The following C1QTNF3 variants were observed in gnomAD, a reference collection of about 807,000 sequenced individuals.
The protein encoded by C1QTNF3 is C1q and TNF related 3.
A neutral mutation model predicts 32.6 loss-of-function variants in C1QTNF3; 26 were observed. That is an observed-to-expected ratio of 0.80 (90% CI 0.58 to 1.11). The LOEUF (loss-of-function observed/expected upper bound fraction) is 1.11, where lower values mean the gene tolerates loss of function less well. Among genes scored for constraint, C1QTNF3 ranks in the 50% least tolerant of loss-of-function variants. The pLI, the probability that C1QTNF3 is intolerant of heterozygous loss-of-function variation, is 0.00. For missense variants in C1QTNF3, 362 were observed against 398.2 expected, an observed-to-expected ratio of 0.91 and a Z score of 0.77; for synonymous variants, 155 against 146.0, an observed-to-expected ratio of 1.06 and a Z score of -0.44.
the C1QTNF3 span, among the ~76,000 whole-genome samples, chr5:34,084,150 T>C: frequency 2.0e-5 from 3 of 151,768 alleles, 1 homozygote; most frequent in African/African-American, 7.3e-5. Context: ...ATTCTAGGCA[T>C]CTGTAAGTGC....
chr5:34,231,864 A>G, the C1QTNF3 span, among the ~76,000 whole-genome samples: 26 of 144,896 alleles, frequency 1.8e-4, 1 homozygote, highest in African/African-American at 6.7e-4. Flanking sequence ...GGCACTCCCT[A>G]CTGGAGCTTT....
the C1QTNF3 span, among the ~76,000 whole-genome samples, chr5:34,208,105 T>C: frequency 3.3e-5 from 5 of 152,170 alleles, 1 homozygote; most frequent in Non-Finnish European, 1.5e-5. Flanking sequence ...AAAGTGCTTT[T>C]AAGCTCCTTC....
the C1QTNF3 span, among the ~76,000 whole-genome samples, chr5:34,143,929 C>A: frequency 1.3e-5 from 2 of 152,084 alleles, no homozygotes; most frequent in African/African-American, 4.8e-5. Context: ...TCTCACATAT[C>A]AATACTAACC....
the C1QTNF3 span, among the ~76,000 whole-genome samples, chr5:34,062,171 C>T: frequency 6.6e-6 from 1 of 152,206 alleles, no homozygotes; most frequent in Non-Finnish European, 1.5e-5. Flanking sequence ...TTCACCTTTG[C>T]TCCAGTTCAG....
the C1QTNF3 span, among the ~76,000 whole-genome samples, chr5:34,116,804 C>T: frequency 2.3e-3 from 344 of 152,130 alleles, 1 homozygote; most frequent in African/African-American, 7.9e-3. Context: ...CCATGTTGGC[C>T]GGGCTGGTTT....
At chr5:34,056,603 C>G in the C1QTNF3 span, among the ~76,000 whole-genome samples, 1 of 151,330 alleles carries the variant, frequency 6.6e-6, no homozygotes, top group South Asian at 2.1e-4. Context: ...GCCTTGACCT[C>G]CCGGGCTCAA....
the C1QTNF3 span, among the ~76,000 whole-genome samples, chr5:34,098,428 C>T: frequency 2.0e-5 from 3 of 152,114 alleles, no homozygotes; most frequent in Admixed American, 2.0e-4. Flanking sequence ...TAATTTTCAT[C>T]GTTGACACTA....
chr5:34,068,074 A>G, the C1QTNF3 span, among the ~76,000 whole-genome samples: 1 of 152,112 alleles, frequency 6.6e-6, no homozygotes, highest in Non-Finnish European at 1.5e-5. Flanking sequence ...TATTAACAAG[A>G]CGATTTAGTT....
the C1QTNF3 span, among the ~76,000 whole-genome samples, chr5:34,220,279 A>C: frequency 2.0e-5 from 3 of 152,100 alleles, no homozygotes; most frequent in Admixed American, 6.6e-5. Flanking sequence ...AATTCCACAT[A>C]AATAATTTCA....
intron 2 of C1QTNF3, 39 bp downstream of exon 2, chr5:34,035,608 G>A (rs766991300): frequency 4.2e-6 from 6 of 1,427,516 alleles, no homozygotes; most frequent in Non-Finnish European, 4.0e-6. Context: ...TTTAGCTCAG[G>A]CTGCAATTAG....
the C1QTNF3 span, among the ~76,000 whole-genome samples, chr5:34,136,667 A>G: frequency 3.9e-5 from 6 of 152,244 alleles, no homozygotes; most frequent in African/African-American, 1.4e-4. Flanking sequence ...TCAAAAGATT[A>G]TAAATCATGC....
chr5:34,056,444 GTGTGTGTGTGTATATATA>G, the C1QTNF3 span, among the ~76,000 whole-genome samples: 10 of 40,234 alleles, frequency 2.5e-4, no homozygotes, highest in Middle Eastern at 0.01. Context: ...GTGTGTGTGT[GTGTGTGTGTGTATATATA>G]TATATATATA....
the C1QTNF3 span, among the ~76,000 whole-genome samples, chr5:34,155,309 A>G: frequency 4.6e-5 from 7 of 152,226 alleles, no homozygotes; most frequent in Non-Finnish European, 1.0e-4. Context: ...GGAATAATGC[A>G]CTTTATACAC....
the C1QTNF3 span, among the ~76,000 whole-genome samples, chr5:34,159,606 G>A: frequency 6.6e-6 from 1 of 151,892 alleles, no homozygotes; most frequent in Admixed American, 6.6e-5. Flanking sequence ...ATCCACTGAT[G>A]AAATTTTTAA....
the C1QTNF3 span, among the ~76,000 whole-genome samples, chr5:34,233,997 T>A: frequency 4.0e-3 from 606 of 152,264 alleles, 6 homozygotes; most frequent in African/African-American, 0.014. Context: ...AAAATCAGTA[T>A]TGTATTAGTA....
the C1QTNF3 span, among the ~76,000 whole-genome samples, chr5:34,241,943 G>GGGAA: frequency 1.2e-5 from 1 of 85,576 alleles, no homozygotes; most frequent in Non-Finnish European, 3.0e-5. Flanking sequence ...AAGGGAGGAA[G>GGGAA]GGAGGGAGGG....
At chr5:34,142,508 A>G in the C1QTNF3 span, among the ~76,000 whole-genome samples, 1 of 152,010 alleles carries the variant, frequency 6.6e-6, no homozygotes, top group South Asian at 2.1e-4. Context: ...AAGGACCAGA[A>G]GTTGACCTGC....
the C1QTNF3 span, among the ~76,000 whole-genome samples, chr5:34,178,228 T>A: frequency 4.7e-5 from 7 of 150,528 alleles, no homozygotes; most frequent in African/African-American, 1.7e-4. Context: ...TAGCAGTGAG[T>A]CAAGATTGCA....
chr5:34,212,604 A>C, the C1QTNF3 span, among the ~76,000 whole-genome samples: 1 of 152,062 alleles, frequency 6.6e-6, no homozygotes, highest in African/African-American at 2.4e-5. Context: ...GGACATGAAC[A>C]GACACTTCTC....
Sources: allele counts gnomAD v4.1 joint callset (sites outside exome capture counted in the v4.1 genomes callset), GRCh38; gene constraint gnomAD v4.1.1; transcripts MANE v1.5; gene names NCBI Gene and HGNC (gene_info 2026-07-23, HGNC 2026-07-21).